RPGRIP1L: variants seen among roughly 807,000 people sequenced by gnomAD.
RPGRIP1L encodes RPGRIP1 like.
In RPGRIP1L, 131 loss-of-function variants were observed where a neutral mutation model predicts 160.4. The ratio of observed to expected loss-of-function variants is 0.82; its 90% CI spans 0.71 to 0.94. RPGRIP1L has a LOEUF of 0.94. RPGRIP1L is among the 40% of genes least tolerant of loss of function. The pLI is 0.00. For missense variants in RPGRIP1L, 1,522 were observed against 1,535.8 expected, an observed-to-expected ratio of 0.99 and a Z score of 0.15; for synonymous variants, 510 against 515.8, an observed-to-expected ratio of 0.99 and a Z score of 0.15.
chr16:53,680,865 G>A (rs1969553780), intron 6 of RPGRIP1L, among the ~76,000 whole-genome samples: 1 of 152,050 alleles, frequency 6.6e-6, no homozygotes, highest in African/African-American at 2.4e-5. Flanking sequence ...TAGGAGGGAA[G>A]AGGAGATGAG....
chr16:53,613,271 G>A (rs1227992035), intron 24 of RPGRIP1L, among the ~76,000 whole-genome samples: 1 of 151,958 alleles, frequency 6.6e-6, no homozygotes, highest in African/African-American at 2.4e-5. Flanking sequence ...ATACCCAGAA[G>A]TGAAATTGCT....
At chr16:53,642,696 T>C (rs1340411320) in intron 17 of RPGRIP1L, among the ~76,000 whole-genome samples, 2 of 152,108 alleles carry the variant, frequency 1.3e-5, no homozygotes, top group South Asian at 2.1e-4. Context: ...GTAAGAACAG[T>C]AGGAATCTGT....
At chr16:53,653,041 G>T in intron 14 of RPGRIP1L, 54 bp from the exon 15 acceptor site, 2 of 1,465,944 alleles carry the variant, frequency 1.4e-6, no homozygotes, top group East Asian at 2.3e-5. Flanking sequence ...ATGAGAAAAT[G>T]AAAACTGGCT....
In RPGRIP1L at chr16:53,692,071, C is replaced by G; in HGVS notation, c.524G>C (p.Arg175Thr). 1 of 1,613,768 alleles carries G rather than the reference C, an allele frequency of 6.2e-7. No individual in the cohort carries two copies. Among genetic ancestry groups the G allele is most frequent in the Non-Finnish European group, 8.5e-7 (1 of 1,179,870 alleles). ...TAACGTAAGCTTTGTTTTACCTTTC[C>G]TGGGGCATTCCTGTAAACCAGCATT... ...NENAGLQECPRKGIKFQDADV... is the reference protein window; with the variant it reads ...NENAGLQECPTKGIKFQDADV... Residue 175 changes from arginine (R) to threonine (T), a missense_variant, in exon 4 of 27, where the codon AGG becomes ACG. Coordinates refer to ENST00000647211, the MANE Select transcript of RPGRIP1L (RefSeq NM_015272.5).
intron 16 of RPGRIP1L, among the ~76,000 whole-genome samples, chr16:53,648,611 CGT>C (rs1414375949): frequency 3.6e-4 from 32 of 89,830 alleles, no homozygotes; most frequent in Admixed American, 3.0e-3. Flanking sequence ...TACGTACGCG[CGT>C]GCGCGCGCGC....
At chr16:53,685,855 C>T (rs990041835) in intron 6 of RPGRIP1L, among the ~76,000 whole-genome samples, 1 of 152,032 alleles carries the variant, frequency 6.6e-6, no homozygotes, top group African/African-American at 2.4e-5. Flanking sequence ...GTACATGTAC[C>T]CCTGAACTTA....
intron 6 of RPGRIP1L, among the ~76,000 whole-genome samples, chr16:53,683,097 A>C (rs1969726686): frequency 6.6e-6 from 1 of 152,042 alleles, no homozygotes; most frequent in Admixed American, 6.6e-5. Context: ...TTTTTTTAAC[A>C]AGTCTGATAT....
intron 22 of RPGRIP1L, among the ~76,000 whole-genome samples, chr16:53,623,625 T>C (rs2150980340): frequency 6.6e-6 from 1 of 152,376 alleles, no homozygotes; most frequent in Non-Finnish European, 1.5e-5. Context: ...TGTGAGGCCC[T>C]GAACCACACA....
intron 19 of RPGRIP1L, among the ~76,000 whole-genome samples, chr16:53,640,389 T>C (rs916833866): frequency 6.6e-6 from 1 of 152,216 alleles, no homozygotes; most frequent in African/African-American, 2.4e-5. Context: ...AATATGAAAG[T>C]GTCAGCGTAT....
At position 53,636,734 on chromosome 16, in the gene RPGRIP1L, T is replaced by A. The variant is rs529731484; in HGVS notation, c.3221-222A>T. Among the ~76,000 whole-genome samples the A allele has an allele frequency of 2.6e-4, 39 of 152,096 alleles. No individual in the cohort carries two copies. The South Asian group carries it at 7.3e-3, about 28-fold the overall frequency. On this transcript the variant is annotated intron_variant, in intron 21 of 26. Coordinates refer to ENST00000647211, the MANE Select transcript of RPGRIP1L (RefSeq NM_015272.5). ...TTAATTTTGGTAGAAGCAAAGGAAA[T>A]GCCAATAAAAATACAGCTTATTGTG...
chr16:53,622,376 A>C lies in RPGRIP1L; in HGVS notation c.3295-20T>G, dbSNP rs1254704073. The C allele has an allele frequency of 8.1e-6, 5 of 619,002 alleles. No individual in the cohort carries two copies. Among genetic ancestry groups the C allele is most frequent in the Non-Finnish European group, 1.5e-5 (5 of 344,046 alleles). 38.3% of individuals were successfully genotyped at this position (619,002 alleles called of 1,614,324 possible). ...GAGACTCTGTCTCAAAAAAAAAAAA[A>C]AAATCTTAAGATTAAGAAGCACATT... On this transcript the variant is annotated intron_variant, in intron 22 of 26. Transcript: ENST00000647211.
Position 53,645,658 on chromosome 16 carries a change from G to C in RPGRIP1L, c.2650C>G (p.Leu884Val). The C allele has an allele frequency of 6.2e-7, 1 of 1,613,852 alleles. No individual in the cohort carries two copies. The highest frequency in any genetic ancestry group is 8.5e-7 in the Non-Finnish European group (1 of 1,179,902). The change falls in exon 17 of 27, where the codon CTG becomes GTG. Residue 884 changes from leucine to valine, a missense_variant. Coordinates refer to ENST00000647211, the MANE Select transcript of RPGRIP1L (RefSeq NM_015272.5). ...CACCTGTCATGTGCCAACGAAATCAGAGGCACATTGACTTTTCCTATGTAA... is the reference window on the plus strand; with the variant it reads ...CACCTGTCATGTGCCAACGAAATCACAGGCACATTGACTTTTCCTATGTAA... The part of the protein sequence containing the change: ...NIYIGKVNVP[L>V]ISLAHDRCIS...
intron 15 of RPGRIP1L, among the ~76,000 whole-genome samples, chr16:53,651,834 A>T (rs1000551437): frequency 1.3e-5 from 2 of 152,116 alleles, no homozygotes; most frequent in Admixed American, 6.6e-5. Context: ...TAACAGTGAT[A>T]ACATAAGGTC....
intron 19 of RPGRIP1L, 85 bp from the exon 20 acceptor site, chr16:53,638,496 T>G (rs183233028): frequency 3.4e-5 from 25 of 732,932 alleles, no homozygotes; most frequent in African/African-American, 3.4e-4. Context: ...CATATTGAAC[T>G]ACTAAAAATT....
intron 6 of RPGRIP1L, among the ~76,000 whole-genome samples, chr16:53,678,637 A>G (rs1398037089): frequency 6.6e-6 from 1 of 152,156 alleles, no homozygotes; most frequent in Non-Finnish European, 1.5e-5. Flanking sequence ...TGAGATAAAA[A>G]TGTCATAGTA....
intron 2 of RPGRIP1L, among the ~76,000 whole-genome samples, chr16:53,697,403 T>C (rs1271015167): frequency 6.6e-6 from 1 of 151,944 alleles, no homozygotes; most frequent in Non-Finnish European, 1.5e-5. Context: ...GGTCTCCCTC[T>C]GATGCCAAGC....
chr16:53,677,323 CA>C (rs1224642374), intron 6 of RPGRIP1L, among the ~76,000 whole-genome samples: 1 of 152,148 alleles, frequency 6.6e-6, no homozygotes, highest in Non-Finnish European at 1.5e-5. Context: ...TGTTGTACTT[CA>C]AATAAAAAGT....
rs771201854 is a variant in RPGRIP1L, at chr16:53,652,566, G to A, written c.2121C>T (p.Ser707=). ...AACTTGCTGTACAAAATATTCGGCC[G>A]CTTTTTTCAAGAATTTCGTGAAATT... ...QLKFHEILEK[S]GRIFCTASLI... is the part of the protein sequence containing the mutation. The change falls in exon 15 of 27, where the codon AGC becomes AGT. Residue 707 remains serine (S), a synonymous_variant. Coordinates refer to ENST00000647211, the MANE Select transcript of RPGRIP1L (RefSeq NM_015272.5). The A allele has an allele frequency of 1.7e-5, 27 of 1,613,700 alleles. No individual in the cohort carries two copies. The highest frequency in any genetic ancestry group is 1.3e-4 in the Admixed American group (8 of 59,974).
At chr16:53,628,845 G>A (rs990541893) in intron 22 of RPGRIP1L, 5 of 151,918 alleles carry the variant, frequency 3.3e-5, no homozygotes, top group East Asian at 1.9e-4. Flanking sequence ...ACATTGTCAC[G>A]GTGTCCTTAT....
Sources: gnomAD v4.1 joint callset for allele counts (sites outside exome capture counted in the v4.1 genomes callset) on GRCh38, gnomAD v4.1.1 for gene constraint, MANE v1.5 for transcripts, NCBI Gene and HGNC (gene_info 2026-07-23, HGNC 2026-07-21) for gene names.